IPCEF1: variants seen among roughly 807,000 people sequenced by gnomAD.
The protein encoded by IPCEF1 is interaction protein for cytohesin exchange factors 1.
In IPCEF1, 31 loss-of-function variants were observed where a neutral mutation model predicts 50.9. That is an observed-to-expected ratio of 0.61 (90% confidence interval 0.46 to 0.82). The LOEUF (loss-of-function observed/expected upper bound fraction) is 0.82. IPCEF1 is among the 40% of genes least tolerant of loss of function. The probability of loss-of-function intolerance (pLI) is 0.00; values close to 1 mark genes in which losing one functional copy is unlikely to be tolerated. For synonymous variants in IPCEF1, 181 were observed against 192.0 expected (o/e 0.94, Z 0.47); for missense variants, 458 against 514.0 (o/e 0.89, Z 1.05).
intron 10 of IPCEF1, among the ~76,000 whole-genome samples, chr6:154,192,943 T>G (rs925158546): frequency 2.0e-5 from 3 of 152,190 alleles, no homozygotes; most frequent in African/African-American, 7.2e-5. Flanking sequence ...ACAACCACAC[T>G]ATGGAAAACA....
intron 9 of IPCEF1, among the ~76,000 whole-genome samples, chr6:154,212,290 A>C (rs1044118192): frequency 2.6e-5 from 4 of 152,186 alleles, no homozygotes; most frequent in African/African-American, 9.6e-5. Flanking sequence ...GTGAATACAC[A>C]AATCGCTCCA....
rs1383024878 is a variant in IPCEF1, at chr6:154,223,189, A to G, written c.301T>C (p.Ser101Pro). The G allele has an allele frequency of 2.5e-6, 4 of 1,613,788 alleles. No homozygotes were observed. Among genetic ancestry groups the G allele is most frequent in the South Asian group, 2.2e-5 (2 of 91,062 alleles). The change falls in exon 6 of 12, where the codon TCT (serine) becomes CCT (proline). Residue 101 changes from serine to proline, a missense_variant. Coordinates refer to ENST00000367220, the MANE Select transcript of IPCEF1 (RefSeq NM_001130700.2). ...NLPDFTVERA[S>P]ECKKKHAFKI... ...ACTTACTGCTTTTTCTTGCATTCAG[A>G]TGCTCTTTCCACAGTGAAATCAGGC...
chr6:154,303,941 C>A (rs1178487447), intron 1 of IPCEF1, among the ~76,000 whole-genome samples: 4 of 150,666 alleles, frequency 2.7e-5, no homozygotes, highest in South Asian at 2.1e-4. Context: ...AAAATGCACT[C>A]CTTAACCAGG....
chr6:154,340,911 GTGTGTATATATA>G lies in IPCEF1; in HGVS notation c.-62+15749_-62+15760del, dbSNP rs1438236749. Among the ~76,000 whole-genome samples the G allele has an allele frequency of 8.3e-3, 878 of 106,286 alleles. 8 individuals are homozygous for G. The highest frequency in any genetic ancestry group is 9.9e-3 in the Non-Finnish European group (517 of 52,422). 69.7% of individuals were successfully genotyped at this position (106,286 alleles called of 152,430 possible). ...AAAAAAAAAAAAGAAATATATATAT[GTGTGTATATATA>G]TGTGTGTGTGTGTGTATGTACACAT... On this transcript the variant is annotated intron_variant, in intron 1 of 11. Transcript: ENST00000367220.
intron 5 of IPCEF1, among the ~76,000 whole-genome samples, chr6:154,232,842 T>C (rs1370840173): frequency 1.3e-5 from 2 of 152,070 alleles, no homozygotes; most frequent in African/African-American, 4.8e-5. Flanking sequence ...GTAAAATTTG[T>C]TAAAGCTATA....
At chr6:154,230,011 G>A (rs1257488079) in intron 5 of IPCEF1, among the ~76,000 whole-genome samples, 1 of 152,178 alleles carries the variant, frequency 6.6e-6, no homozygotes, top group East Asian at 1.9e-4. Context: ...TGTCCAGAAA[G>A]GGCAAATCTA....
intron 9 of IPCEF1, among the ~76,000 whole-genome samples, chr6:154,206,247 G>T (rs1331637470): frequency 6.6e-6 from 1 of 152,172 alleles, no homozygotes; most frequent in Non-Finnish European, 1.5e-5. Flanking sequence ...CTGGAACCTG[G>T]CTTCCTCATT....
intron 1 of IPCEF1, among the ~76,000 whole-genome samples, chr6:154,338,375 G>A (rs963989608): frequency 6.6e-6 from 1 of 152,174 alleles, no homozygotes; most frequent in African/African-American, 2.4e-5. Context: ...AAAGAGTTTC[G>A]GTGATTTTCC....
chr6:154,290,622 C>A (rs1782489251), intron 1 of IPCEF1, among the ~76,000 whole-genome samples: 2 of 152,176 alleles, frequency 1.3e-5, no homozygotes, highest in East Asian at 1.9e-4. Context: ...CCTCTGCTAA[C>A]AATAACTTCC....
intron 2 of IPCEF1, among the ~76,000 whole-genome samples, chr6:154,287,324 A>G (rs1363219483): frequency 6.6e-6 from 1 of 151,966 alleles, no homozygotes; most frequent in Non-Finnish European, 1.5e-5. Flanking sequence ...TTCTTTATAA[A>G]TTTCTCAGTC....
chr6:154,175,212 A>G (rs1351124529), intron 10 of IPCEF1, among the ~76,000 whole-genome samples: 1 of 152,252 alleles, frequency 6.6e-6, no homozygotes, highest in South Asian at 2.1e-4. Flanking sequence ...TGCCCACAAG[A>G]GAAAGCAGGG....
intron 5 of IPCEF1, among the ~76,000 whole-genome samples, chr6:154,225,939 C>T (rs1212469488): frequency 2.6e-5 from 4 of 152,174 alleles, no homozygotes; most frequent in Non-Finnish European, 5.9e-5. Context: ...GTTTTTAGTC[C>T]TCCCTTAATT....
In IPCEF1 at chr6:154,353,429, G is replaced by A. The variant is rs568713502; in HGVS notation, c.-62+3243C>T. ...CAGCCTCTTGAGTAGCTGGGATTAC[G>A]TGCGCCCGCACCATGCCCAGCTAAT... On this transcript the variant is annotated intron_variant, in intron 1 of 11. Transcript: ENST00000367220. Among the ~76,000 whole-genome samples, 4 of 150,998 alleles carry A rather than the reference G, an allele frequency of 2.6e-5. No homozygotes were observed. In the East Asian group the frequency reaches 5.9e-4, roughly 22 times the overall value.
chr6:154,278,427 G>A (rs999547469), intron 2 of IPCEF1, among the ~76,000 whole-genome samples: 3 of 152,108 alleles, frequency 2.0e-5, no homozygotes, highest in African/African-American at 7.2e-5. Flanking sequence ...CCAGACGTAT[G>A]GATGCAAAAG....
chr6:154,239,789 C>T (rs191364821), intron 5 of IPCEF1, among the ~76,000 whole-genome samples: 3 of 152,284 alleles, frequency 2.0e-5, no homozygotes, highest in African/African-American at 2.4e-5. Flanking sequence ...CTGCAACCTC[C>T]GCCTCCCATG....
In IPCEF1 at chr6:154,230,020, T is replaced by TA. The variant is rs901873593; in HGVS notation, c.247-6778dup. ...AGGAAGTGTCCAGAAAGGGCAAATC[T>TA]ATAGAGACAGAAAGCAGGACGGTGG... is the stretch of plus-strand genomic sequence containing the variant. On this transcript the variant is annotated intron_variant, in intron 5 of 11. Coordinates refer to ENST00000367220, the MANE Select transcript of IPCEF1 (RefSeq NM_001130700.2). Among the ~76,000 whole-genome samples the TA allele has an allele frequency of 6.6e-5, 10 of 152,222 alleles. 1 individual carries two copies. The highest frequency in any genetic ancestry group is 2.6e-4 in the Admixed American group (4 of 15,298).
intron 2 of IPCEF1, among the ~76,000 whole-genome samples, chr6:154,270,986 C>A (rs1781888425): frequency 6.6e-6 from 1 of 151,828 alleles, no homozygotes. Context: ...AAAAGACAAA[C>A]AAACAAACAA....
chr6:154,262,769 C>CTTT (rs138504583), intron 3 of IPCEF1, among the ~76,000 whole-genome samples: 1 of 97,724 alleles, frequency 1.0e-5, no homozygotes, highest in Non-Finnish European at 1.9e-5. Flanking sequence ...GCTTATAATC[C>CTTT]TTTTTTTTTT....
At chr6:154,245,431 G>A (rs1583895443) in intron 5 of IPCEF1, among the ~76,000 whole-genome samples, 2 of 152,292 alleles carry the variant, frequency 1.3e-5, no homozygotes. Context: ...TTTGGGTCTG[G>A]TTTAACCAAA....
Sources: allele counts gnomAD v4.1 joint callset (sites outside exome capture counted in the v4.1 genomes callset), GRCh38; gene constraint gnomAD v4.1.1; transcripts MANE v1.5; gene names NCBI Gene and HGNC (gene_info 2026-07-23, HGNC 2026-07-21).